The following XPO6 variants were observed in gnomAD, a reference collection of about 807,000 sequenced individuals.
The protein encoded by XPO6 is exportin-6.
Under a neutral mutation model 130.0 loss-of-function variants are expected in XPO6, and 3 were observed. That is an observed-to-expected ratio of 0.02 (90% confidence interval 0.01 to 0.06). XPO6 has a LOEUF of 0.06. XPO6 is among the 10% of genes least tolerant of loss of function. The pLI is 1.00. For synonymous variants in XPO6, 524 were observed against 548.9 expected (o/e 0.95, Z 0.63); for missense variants, 970 against 1,393.0 (o/e 0.70, Z 4.83).
At position 28,111,857 on chromosome 16, in the gene XPO6, G is replaced by A. The variant is rs891886832; in HGVS notation, c.2301C>T (p.Pro767=). The A allele has an allele frequency of 6.2e-7, 1 of 1,614,164 alleles. No homozygotes were observed. The highest frequency in any genetic ancestry group is 1.3e-5 in the African/African-American group (1 of 75,038). Residue 767 remains proline, a synonymous_variant, in exon 17 of 24, where the codon CCC becomes CCT. Coordinates refer to ENST00000304658, the MANE Select transcript of XPO6 (RefSeq NM_015171.4). ...TCTTTCTCTGTGGGGCAACAGCACT[G>A]GGCTTCAGGTTGCGATAGTCCCGGG... ...ALSRDYRNLK[P]SAVAPQRKMP... is the part of the protein sequence containing the mutation.
chr16:28,133,879 C>G lies in XPO6; in HGVS notation c.1498G>C (p.Val500Leu), dbSNP rs549656264. ...GCGTGCGTGGGCAGGAGCTCCATCA[C>G]TTTGGCCACCACCTCCAAGCTCTGC... ...LRQSLEVVAK[V>L]MELLPTHAFS... Residue 500 changes from valine to leucine, a missense_variant, in exon 11 of 24, where the codon GTG becomes CTG. Around this residue, in one of 4 missense-constraint regions of XPO6, gnomAD observed 936 missense variants for 1,306.8 expected, o/e 0.72. Coordinates refer to ENST00000304658, the MANE Select transcript of XPO6 (RefSeq NM_015171.4). 2 of 1,614,112 alleles carry G rather than the reference C, an allele frequency of 1.2e-6. No homozygotes were observed. Among genetic ancestry groups the G allele is most frequent in the South Asian group, 2.2e-5 (2 of 91,074 alleles).
chr16:28,119,853 T>A (rs1483092716), intron 14 of XPO6, among the ~76,000 whole-genome samples: 1 of 152,096 alleles, frequency 6.6e-6, no homozygotes, highest in Non-Finnish European at 1.5e-5. Flanking sequence ...TGTCTGTAAT[T>A]TCTTTTCTTT....
chr16:28,192,029 G>A (rs1159788675), intron 1 of XPO6, among the ~76,000 whole-genome samples: 1 of 152,148 alleles, frequency 6.6e-6, no homozygotes, highest in East Asian at 1.9e-4. Flanking sequence ...GGAGGCTGAG[G>A]CAGGCAGATC....
intron 1 of XPO6, among the ~76,000 whole-genome samples, chr16:28,187,681 T>C (rs2043717372): frequency 6.7e-6 from 1 of 149,116 alleles, no homozygotes; most frequent in Admixed American, 6.8e-5. Context: ...AAAGATGCTC[T>C]ATCTAGTATG....
intron 7 of XPO6, chr16:28,153,290 G>A (rs886736549): frequency 1.4e-5 from 14 of 988,548 alleles, no homozygotes; most frequent in Non-Finnish European, 1.6e-5. Context: ...GGTTCCTGGT[G>A]CTAATTAAAC....
At chr16:28,184,786 A>G (rs1286885042) in intron 1 of XPO6, among the ~76,000 whole-genome samples, 28 of 152,218 alleles carry the variant, frequency 1.8e-4, no homozygotes, top group Non-Finnish European at 1.5e-5. Context: ...ACTGACAATA[A>G]TAAGTGTTGA....
chr16:28,101,216 C>G lies in XPO6; in HGVS notation c.3276+242G>C. On this transcript the variant is annotated intron_variant, in intron 23 of 23. Coordinates refer to ENST00000304658, the MANE Select transcript of XPO6 (RefSeq NM_015171.4). This position sits in a 1 kb window ranked among gnomAD's most constrained non-coding sequence, Gnocchi z 5.4. Reference sequence around the variant, plus strand: ...TGGAGGGGCTGCAGAGCCAGGAACTCGGGACCTCCATGGCTGAGACTAAGA... The same window carrying G: ...TGGAGGGGCTGCAGAGCCAGGAACTGGGGACCTCCATGGCTGAGACTAAGA... 1 of 579,830 alleles carries G rather than the reference C, an allele frequency of 1.7e-6. No homozygotes were observed. Among genetic ancestry groups the G allele is most frequent in the South Asian group, 1.9e-5 (1 of 51,978 alleles). 35.9% of individuals were successfully genotyped at this position (579,830 alleles called of 1,614,324 possible).
intron 6 of XPO6, 55 bp downstream of exon 6, chr16:28,166,453 C>G (rs772172314): frequency 5.8e-6 from 9 of 1,539,470 alleles, no homozygotes; most frequent in Non-Finnish European, 7.0e-6. Context: ...ATCACCACAC[C>G]TGGCCCCCAA....
At chr16:28,206,860 T>C (rs1273314093) in intron 1 of XPO6, among the ~76,000 whole-genome samples, 1 of 152,188 alleles carries the variant, frequency 6.6e-6, no homozygotes, top group Non-Finnish European at 1.5e-5. Flanking sequence ...AATGCAATGC[T>C]GTGGATGAAC....
intron 1 of XPO6, among the ~76,000 whole-genome samples, chr16:28,206,529 C>G (rs1250341324): frequency 6.6e-6 from 1 of 152,062 alleles, no homozygotes; most frequent in Non-Finnish European, 1.5e-5. Flanking sequence ...GCCTGGACAA[C>G]AGAGCAAGAC....
chr16:28,187,398 C>G (rs1567644886), intron 1 of XPO6, among the ~76,000 whole-genome samples: 2 of 152,068 alleles, frequency 1.3e-5, no homozygotes, highest in Non-Finnish European at 2.9e-5. Context: ...TTCAGAATGG[C>G]AAAAGTTTTA....
At position 28,114,956 on chromosome 16, in the gene XPO6, A is replaced by G. The variant is rs77704480; in HGVS notation, c.2005-1906T>C. Among the ~76,000 whole-genome samples the G allele has an allele frequency of 2.1e-3, 318 of 152,336 alleles. 2 individuals carry two copies. The highest frequency in any genetic ancestry group is 3.7e-3 in the Non-Finnish European group (255 of 68,028). On this transcript the variant is annotated intron_variant, in intron 15 of 23. Transcript: ENST00000304658. ...AAACCCACTTTCTTTGGTCATTTAC[A>G]AGAAGCAAGTCCCCATCTGTTCAAG...
intron 7 of XPO6, chr16:28,153,645 T>G: frequency 1.0e-6 from 1 of 985,450 alleles, no homozygotes; most frequent in Non-Finnish European, 1.2e-6. Flanking sequence ...ACTGTCATTT[T>G]AAGCCCCTAA....
chr16:28,187,031 T>C (rs1056094406), intron 1 of XPO6, among the ~76,000 whole-genome samples: 75 of 152,312 alleles, frequency 4.9e-4, no homozygotes, highest in African/African-American at 1.7e-3. Context: ...AGTCCTGGCG[T>C]ACATATAAAC....
intron 13 of XPO6, among the ~76,000 whole-genome samples, chr16:28,122,937 G>A (rs1452831087): frequency 1.3e-5 from 2 of 152,076 alleles, no homozygotes; most frequent in Non-Finnish European, 2.9e-5. Context: ...TCTAGAATAG[G>A]TGGAGGTGTT....
At chr16:28,181,593 G>A (rs1387560323) in intron 1 of XPO6, among the ~76,000 whole-genome samples, 2 of 150,914 alleles carry the variant, frequency 1.3e-5, no homozygotes, top group Non-Finnish European at 3.0e-5. Flanking sequence ...GCTCACTGCA[G>A]CCTTGAATTC....
At chr16:28,104,927 C>T (rs747039019) in intron 20 of XPO6, among the ~76,000 whole-genome samples, 3 of 152,230 alleles carry the variant, frequency 2.0e-5, no homozygotes, top group Non-Finnish European at 4.4e-5. Flanking sequence ...CGGTTCACAC[C>T]GCGAGTTCTT....
At chr16:28,163,239 A>G (rs2043305367) in intron 6 of XPO6, among the ~76,000 whole-genome samples, 1 of 152,376 alleles carries the variant, frequency 6.6e-6, no homozygotes, top group South Asian at 2.1e-4. Flanking sequence ...TTCTATAGGT[A>G]GTATACAAGG....
chr16:28,169,135 TC>T (rs2043409720), intron 5 of XPO6, among the ~76,000 whole-genome samples: 1 of 152,216 alleles, frequency 6.6e-6, no homozygotes, highest in Non-Finnish European at 1.5e-5. Flanking sequence ...CATACATGTC[TC>T]CCTAGCAAAC....
Sources: allele counts gnomAD v4.1 joint callset (sites outside exome capture counted in the v4.1 genomes callset), GRCh38; gene constraint gnomAD v4.1.1; regional missense constraint gnomAD v4.1.1; non-coding constraint Gnocchi (gnomAD v3.1); transcripts MANE v1.5; gene names NCBI Gene and HGNC (gene_info 2026-07-23, HGNC 2026-07-21).